GDPD5: variants seen among roughly 807,000 people sequenced by gnomAD.
GDPD5 encodes the protein glycerophosphodiester phosphodiesterase 2.
GDPD5 carries 48 observed loss-of-function variants against 75.1 expected under a neutral mutation model. That is an observed-to-expected ratio of 0.64 (90% CI 0.51 to 0.81). GDPD5 has a LOEUF of 0.81. GDPD5 is among the 40% of genes least tolerant of loss of function. The pLI is 0.00. For synonymous variants in GDPD5, 336 were observed against 339.0 expected, an observed-to-expected ratio of 0.99 and a Z score of 0.10; for missense variants, 706 against 822.6, an observed-to-expected ratio of 0.86 and a Z score of 1.73.
chr11:75,497,317 G>C (rs1222813426), intron 1 of GDPD5, among the ~76,000 whole-genome samples: 1 of 152,168 alleles, frequency 6.6e-6, no homozygotes, highest in African/African-American at 2.4e-5. Context: ...GGCAGGACGC[G>C]TAAGGGGTGG....
intron 4 of GDPD5, among the ~76,000 whole-genome samples, chr11:75,460,117 C>G (rs1331142344): frequency 6.6e-6 from 1 of 152,138 alleles, no homozygotes; most frequent in East Asian, 1.9e-4. Flanking sequence ...GCAAGACTTG[C>G]TCCTGATAAC....
chr11:75,508,996 T>C (rs2135477955), intron 1 of GDPD5: 1 of 152,328 alleles, frequency 6.6e-6, no homozygotes, highest in Admixed American at 6.5e-5. Context: ...ACATTGAAGA[T>C]CTTGGTCATC....
chr11:75,521,782 C>T (rs888435891), intron 1 of GDPD5, among the ~76,000 whole-genome samples: 4 of 141,494 alleles, frequency 2.8e-5, no homozygotes, highest in African/African-American at 7.4e-5. Flanking sequence ...GCAGGGATGG[C>T]GGTTCTGATG....
At chr11:75,458,324 G>A (rs1565193111) in intron 4 of GDPD5, among the ~76,000 whole-genome samples, 1 of 152,238 alleles carries the variant, frequency 6.6e-6, no homozygotes, top group Non-Finnish European at 1.5e-5. Context: ...TTGATCGAAT[G>A]TAATACTTGA....
rs1413356024 is a variant in GDPD5, at chr11:75,477,813, G to C, written c.-60-18C>G. 3.1e-6 allele frequency: 3 copies of C among 973,274 alleles called. No individual in the cohort carries two copies. The African/African-American group carries it at 4.9e-5, about 16-fold the overall frequency. The allele number at this position is 973,274 out of a possible 1,614,324, so 60.3% of individuals were successfully genotyped here. On this transcript the variant is annotated intron_variant, in intron 2 of 16. Transcript: ENST00000336898. ...AGCTTGTCCTGCAGGAGGAAGCACAGGGCAGTGAGGCAGGGGAAGGGTGAG... is the reference window on the plus strand; with the variant it reads ...AGCTTGTCCTGCAGGAGGAAGCACACGGCAGTGAGGCAGGGGAAGGGTGAG...
chr11:75,448,002 A>G (rs1015064183), intron 9 of GDPD5, among the ~76,000 whole-genome samples: 1 of 152,114 alleles, frequency 6.6e-6, no homozygotes, highest in African/African-American at 2.4e-5. Flanking sequence ...AATACCCACC[A>G]CATGCAGGGG....
At chr11:75,465,488 C>G (rs1389676352) in intron 3 of GDPD5, among the ~76,000 whole-genome samples, 2 of 152,176 alleles carry the variant, frequency 1.3e-5, no homozygotes, top group Non-Finnish European at 2.9e-5. Context: ...ATGTCGGTCT[C>G]CCTGCTATAC....
intron 1 of GDPD5, among the ~76,000 whole-genome samples, chr11:75,497,981 C>T (rs1419302080): frequency 6.6e-6 from 1 of 152,082 alleles, no homozygotes; most frequent in African/African-American, 2.4e-5. Context: ...AAATGGGTTA[C>T]AAACATAGGG....
Position 75,477,608 on chromosome 11 carries a change from G to A in GDPD5, c.117+11C>T, listed in dbSNP as rs1289350145. ...ACTGGGTCCCTCTGACCCTGTTCCAGGGTGGCTCACCGGTGTGGTATCATC... is the reference window on the plus strand; with the variant it reads ...ACTGGGTCCCTCTGACCCTGTTCCAAGGTGGCTCACCGGTGTGGTATCATC... On this transcript the variant is annotated intron_variant, in intron 3 of 16. Coordinates refer to ENST00000336898, the MANE Select transcript of GDPD5 (RefSeq NM_030792.8). The A allele has an allele frequency of 6.5e-7, 1 of 1,549,672 alleles. No individual in the cohort carries two copies. The highest frequency in any genetic ancestry group is 8.8e-7 in the Non-Finnish European group (1 of 1,135,992).
At chr11:75,498,989 C>G (rs1950258863) in intron 1 of GDPD5, among the ~76,000 whole-genome samples, 1 of 152,108 alleles carries the variant, frequency 6.6e-6, no homozygotes, top group Non-Finnish European at 1.5e-5. Flanking sequence ...TAGCCTCTTG[C>G]TTCTCCTCCT....
At chr11:75,437,982 G>C (rs897274681) in intron 15 of GDPD5, 1 of 152,268 alleles carries the variant, frequency 6.6e-6, no homozygotes, top group Non-Finnish European at 1.5e-5. Context: ...ACTGAACCCT[G>C]CTTGGGGGAT....
intron 2 of GDPD5, among the ~76,000 whole-genome samples, chr11:75,487,678 C>G (rs1275744184): frequency 6.6e-6 from 1 of 152,228 alleles, no homozygotes; most frequent in African/African-American, 2.4e-5. Context: ...TGGCAGGGCC[C>G]AGAGGCGAAG....
intron 9 of GDPD5, chr11:75,448,751 A>C (rs1949051687): frequency 8.2e-7 from 1 of 1,214,804 alleles, no homozygotes; most frequent in South Asian, 2.4e-5. Flanking sequence ...GCATCTTTGC[A>C]GGGCACTTAG....
chr11:75,449,650 G>T, intron 7 of GDPD5, 40 bp from the exon 8 acceptor site: 1 of 1,543,376 alleles, frequency 6.5e-7, no homozygotes, highest in Non-Finnish European at 8.8e-7. Context: ...GTAACGCCCA[G>T]CTCTGCCCAG....
intron 15 of GDPD5, 83 bp from the exon 16 acceptor site, chr11:75,437,131 T>A (rs1948647432): frequency 1.0e-6 from 1 of 997,406 alleles, no homozygotes; most frequent in Non-Finnish European, 1.5e-6. Context: ...AGAGCCTCTC[T>A]GGATGTGGCC....
chr11:75,483,800 A>T (rs1423062605), intron 2 of GDPD5, among the ~76,000 whole-genome samples: 2 of 152,254 alleles, frequency 1.3e-5, no homozygotes, highest in Admixed American at 1.3e-4. Flanking sequence ...ATACTGAGAC[A>T]GAAAGTAGCT....
Position 75,442,404 on chromosome 11 carries a change from T to C in GDPD5, c.1126A>G (p.Thr376Ala). The C allele has an allele frequency of 4.4e-6, 7 of 1,592,860 alleles. No homozygotes were observed. The highest frequency in any genetic ancestry group is 6.0e-6 in the Non-Finnish European group (7 of 1,170,066). ...CCGGAGTGCAGCACGGCCTCCAGAG[T>C]CACGTTGATAAAACTGCTGCGGTAG... ...HPYRSSFINV[T>A]LEAVLHSGFP... is the part of the protein sequence containing the mutation. The change falls in exon 12 of 17, where the codon ACT (threonine) becomes GCT (alanine). Residue 376 changes from threonine (T) to alanine (A), a missense_variant. Physicochemically the swap from Thr to Ala is moderately conservative, Grantham distance 58 (BLOSUM62 0). Coordinates refer to ENST00000336898, the MANE Select transcript of GDPD5 (RefSeq NM_030792.8).
chr11:75,453,359 C>T (rs1435732367), intron 6 of GDPD5, among the ~76,000 whole-genome samples: 3 of 152,172 alleles, frequency 2.0e-5, no homozygotes, highest in Non-Finnish European at 2.9e-5. Flanking sequence ...TGGATCATGC[C>T]TGTAGTCCCA....
At chr11:75,487,864 C>T (rs1249961589) in intron 2 of GDPD5, among the ~76,000 whole-genome samples, 2 of 152,240 alleles carry the variant, frequency 1.3e-5, no homozygotes, top group East Asian at 1.9e-4. Context: ...AAATCTCAGG[C>T]TCCAAATGCC....
Sources: gnomAD v4.1 joint callset for allele counts (sites outside exome capture counted in the v4.1 genomes callset) on GRCh38, gnomAD v4.1.1 for gene constraint, MANE v1.5 for transcripts, NCBI Gene and HGNC (gene_info 2026-07-23, HGNC 2026-07-21) for gene names.